Variants in RYR2 observed in about 807,000 individuals in gnomAD.
RYR2 encodes cardiac muscle ryanodine receptor-calcium release channel.
Under a neutral mutation model 601.1 loss-of-function variants are expected in RYR2, and 227 were observed. The observed-to-expected ratio is 0.38, with a 90% CI of 0.34 to 0.42. RYR2 has a LOEUF of 0.42. Among genes scored for constraint, RYR2 ranks in the 10% least tolerant of loss-of-function variants. The pLI is 1.00. For synonymous variants in RYR2, 2,223 were observed against 2,175.1 expected, an observed-to-expected ratio of 1.02 and a Z score of -0.61; for missense variants, 4,646 against 6,156.5, an observed-to-expected ratio of 0.75 and a Z score of 8.21.
chr1:237,642,485 A>G (rs1361624624), intron 47 of RYR2, among the ~76,000 whole-genome samples: 1 of 152,244 alleles, frequency 6.6e-6, no homozygotes, highest in Non-Finnish European at 1.5e-5. Flanking sequence ...AGAAAAAAAC[A>G]TCAGCGAAAC....
At chr1:237,715,108 A>G (rs1051011922) in intron 71 of RYR2, among the ~76,000 whole-genome samples, 1 of 151,804 alleles carries the variant, frequency 6.6e-6, no homozygotes, top group African/African-American at 2.4e-5. Context: ...ATGTTATTAC[A>G]TCTTCATATC....
rs373767708 is a variant in RYR2, at chr1:237,655,879, C to G, written c.8024C>G (p.Ala2675Gly). Residue 2675 changes from alanine (A) to glycine (G), a missense_variant, in exon 53 of 105, where the codon GCT (alanine) becomes GGT (glycine). This residue lies in a region of RYR2 where 1,497 missense variants were observed against 1,842.6 expected (regional missense o/e 0.81). Transcript: ENST00000366574. Reference sequence around the variant, plus strand: ...CCTTGCCTGAGTGCAGTTGCGGGAGCTTTGCCTCCAGACTACATGGAGTCA... The same window carrying G: ...CCTTGCCTGAGTGCAGTTGCGGGAGGTTTGCCTCCAGACTACATGGAGTCA... The part of the protein sequence containing the change: ...ALPCLSAVAG[A>G]LPPDYMESNY... 8.7e-6 allele frequency: 14 copies of G among 1,609,704 alleles called. No homozygotes were observed. The highest frequency in any genetic ancestry group is 1.6e-4 in the Middle Eastern group (1 of 6,078).
intron 84 of RYR2, among the ~76,000 whole-genome samples, chr1:237,763,309 C>T (rs1693577635): frequency 6.6e-6 from 1 of 152,142 alleles, no homozygotes; most frequent in Admixed American, 6.5e-5. Context: ...CTTGAACATG[C>T]TGTGGCTTTA....
intron 2 of RYR2, among the ~76,000 whole-genome samples, chr1:237,289,936 A>G (rs1463478518): frequency 2.0e-5 from 3 of 152,208 alleles, no homozygotes; most frequent in Non-Finnish European, 2.9e-5. Context: ...ACTTAAAATT[A>G]TATTTCAATG....
chr1:237,783,683 G>A lies in RYR2; in HGVS notation c.11971G>A (p.Val3991Ile). The change falls in exon 90 of 105, where the codon GTT becomes ATT. Residue 3991 changes from valine to isoleucine, a missense_variant. By Grantham distance (29) the Val-to-Ile change is conservative. Coordinates refer to ENST00000366574, the MANE Select transcript of RYR2 (RefSeq NM_001035.3). ...AACTGCTTTACCACCAGGTAATGTT[G>A]TTAATGGAACGATTGGCAAACAGAT... ...MLLSMLEGNV[V>I]NGTIGKQMVD... 6.2e-7 allele frequency: 1 copy of A among 1,600,574 alleles called. No homozygotes were observed. Among genetic ancestry groups the A allele is most frequent in the Non-Finnish European group, 8.5e-7 (1 of 1,170,712 alleles).
chr1:237,713,968 T>C (rs1458893975), intron 71 of RYR2, among the ~76,000 whole-genome samples: 1 of 151,998 alleles, frequency 6.6e-6, no homozygotes, highest in African/African-American at 2.4e-5. Flanking sequence ...GGCTATTTCA[T>C]TGTGGGAATA....
At position 237,566,474 on chromosome 1, in the gene RYR2, G is replaced by A. The variant is rs2248295; in HGVS notation, c.3215-93G>A. On this transcript the variant is annotated intron_variant, in intron 27 of 104. Transcript: ENST00000366574. ...CGCTCTAGGTTGAATTACTAAAGTC[G>A]TGATTTATCTTTCCTTCTTTTATTT... The A allele has an allele frequency of 0.91, 1,137,975 of 1,251,386 alleles. 522,415 individuals carry two copies. Among genetic ancestry groups the A allele is most frequent in the South Asian group, 0.94 (64,581 of 68,450 alleles). The allele number at this position is 1,251,386 out of a possible 1,614,324, so 77.5% of individuals were successfully genotyped here.
At chr1:237,117,316 C>T (rs1276367827) in intron 1 of RYR2, among the ~76,000 whole-genome samples, 2 of 151,982 alleles carry the variant, frequency 1.3e-5, no homozygotes, top group African/African-American at 4.8e-5. Flanking sequence ...AAGACCTTCT[C>T]CATTACGCTA....
intron 2 of RYR2, among the ~76,000 whole-genome samples, chr1:237,327,804 A>G (rs900999238): frequency 6.6e-6 from 1 of 152,194 alleles, no homozygotes; most frequent in Non-Finnish European, 1.5e-5. Context: ...ATTCATAACA[A>G]CCCTATGAGA....
chr1:237,352,131 C>T (rs1289626141), intron 3 of RYR2, among the ~76,000 whole-genome samples: 1 of 151,912 alleles, frequency 6.6e-6, no homozygotes, highest in Non-Finnish European at 1.5e-5. Flanking sequence ...AGAAAAGTTA[C>T]TTAAACTGAT....
At chr1:237,215,703 C>T (rs921377671) in intron 1 of RYR2, among the ~76,000 whole-genome samples, 6 of 152,096 alleles carry the variant, frequency 3.9e-5, no homozygotes, top group African/African-American at 9.6e-5. Flanking sequence ...AATTTTGCTC[C>T]GTTTTTGGGA....
chr1:237,652,659 A>G (rs903844708), intron 51 of RYR2, among the ~76,000 whole-genome samples: 1 of 152,204 alleles, frequency 6.6e-6, no homozygotes, highest in Non-Finnish European at 1.5e-5. Flanking sequence ...CTTGATAAAA[A>G]TTCTATTTTT....
intron 47 of RYR2, 38 bp from the exon 48 acceptor site, chr1:237,643,289 C>T (rs2148757173): frequency 6.2e-7 from 1 of 1,601,194 alleles, no homozygotes; most frequent in East Asian, 2.2e-5. Flanking sequence ...ACATTGATGT[C>T]ACAAAGTTGT....
At chr1:237,067,414 A>G (rs183856302) in intron 1 of RYR2, among the ~76,000 whole-genome samples, 2 of 152,198 alleles carry the variant, frequency 1.3e-5, no homozygotes, top group Non-Finnish European at 2.9e-5. Flanking sequence ...TCCTCCATTG[A>G]ATTGCTTTTG....
At chr1:237,110,113 C>G (rs1322473075) in intron 1 of RYR2, among the ~76,000 whole-genome samples, 1 of 151,944 alleles carries the variant, frequency 6.6e-6, no homozygotes, top group Admixed American at 6.6e-5. Flanking sequence ...TAAGTTTTCT[C>G]TACTGCTGAC....
At chr1:237,084,045 G>A (rs1176056673) in intron 1 of RYR2, among the ~76,000 whole-genome samples, 4 of 152,114 alleles carry the variant, frequency 2.6e-5, no homozygotes, top group Admixed American at 6.5e-5. Context: ...GCCTCTCTTG[G>A]TTCTCTCACT....
rs17681893 is a variant in RYR2 at position 237,369,463 on chromosome 1, T to G, written c.310-71T>G. On this transcript the variant is annotated intron_variant, in intron 5 of 104. Transcript: ENST00000366574. ...CGTTCCTTTGAGAGCAAGAGAGTAT[T>G]TTATCAACTTGGTTAAGTTACTCTT... 49,505 of 1,290,092 alleles carry G rather than the reference T, an allele frequency of 0.038. 1,111 individuals carry two copies. Among genetic ancestry groups the G allele is most frequent in the Non-Finnish European group, 0.043 (39,291 of 908,200 alleles). The allele number at this position is 1,290,092 out of a possible 1,614,324, so 79.9% of individuals were successfully genotyped here.
chr1:237,520,458 A>G (rs1009127251), intron 24 of RYR2, among the ~76,000 whole-genome samples: 2 of 152,202 alleles, frequency 1.3e-5, no homozygotes, highest in East Asian at 3.9e-4. Flanking sequence ...TATGGCCTTT[A>G]TTATTTTGAG....
intron 62 of RYR2, 36 bp from the exon 63 acceptor site, chr1:237,687,400 TTTCTACCTTCCCTTCCCCC>T: frequency 4.3e-6 from 4 of 923,772 alleles, no homozygotes; most frequent in East Asian, 5.2e-5. Flanking sequence ...CCCCCTGTCT[TTTCTACCTTCCCTTCCCCC>T]TTCCCTTTTC....
Sources: allele counts gnomAD v4.1 joint callset (sites outside exome capture counted in the v4.1 genomes callset), GRCh38; gene constraint gnomAD v4.1.1; regional missense constraint gnomAD v4.1.1; transcripts MANE v1.5; gene names NCBI Gene and HGNC (gene_info 2026-07-23, HGNC 2026-07-21).